Variants in MOGAT2 observed in about 807,000 individuals in gnomAD.
MOGAT2 encodes the protein monoacylglycerol O-acyltransferase 2.
MOGAT2 carries 27 observed loss-of-function variants against 31.5 expected under a neutral mutation model. That is an observed-to-expected ratio of 0.86 (90% CI 0.63 to 1.18). The LOEUF is 1.18. Among genes scored for constraint, MOGAT2 ranks in the 50% most tolerant of loss-of-function variants. MOGAT2 has a pLI of 0.00. For missense variants in MOGAT2, 436 were observed against 433.2 expected, an observed-to-expected ratio of 1.01 and a Z score of -0.06; for synonymous variants, 163 against 170.0, an observed-to-expected ratio of 0.96 and a Z score of 0.32.
intron 2 of MOGAT2, among the ~76,000 whole-genome samples, chr11:75,726,465 A>G (rs573312253): frequency 1.3e-5 from 2 of 152,304 alleles, no homozygotes; most frequent in South Asian, 2.1e-4. Context: ...GTATAAAATG[A>G]TGTAATATTT....
chr11:75,721,023 G>C (rs1047510849), intron 2 of MOGAT2, among the ~76,000 whole-genome samples: 5 of 152,134 alleles, frequency 3.3e-5, no homozygotes, highest in Non-Finnish European at 5.9e-5. Context: ...GGGGAAGGCA[G>C]TGGGGACGCA....
chr11:75,725,529 C>A (rs992851755), intron 2 of MOGAT2, among the ~76,000 whole-genome samples: 1 of 147,428 alleles, frequency 6.8e-6, no homozygotes, highest in Non-Finnish European at 1.5e-5. Context: ...GCCTGGGCAA[C>A]AGAGTGAGAC....
intron 4 of MOGAT2, 134 bp downstream of exon 4, chr11:75,728,278 A>G (rs1234821934): frequency 7.9e-6 from 9 of 1,136,120 alleles, no homozygotes; most frequent in Non-Finnish European, 1.0e-5. Flanking sequence ...AATTAAGATT[A>G]TATTTTGGTG....
chr11:75,732,119 G>A lies in MOGAT2; in HGVS notation c.*833G>A, dbSNP rs1944487518. On this transcript the variant is annotated 3_prime_UTR_variant, in exon 6 of 6. Coordinates refer to ENST00000198801, the MANE Select transcript of MOGAT2 (RefSeq NM_025098.4). ...CAGCAGGAACCAGAGGATAATTTGA[G>A]GAGGGTTTAAAAAGGAACCATTTTT... is the stretch of plus-strand genomic sequence containing the variant. 6.6e-6 allele frequency: 1 copy of A among 152,334 alleles called. No homozygotes were observed. 9.4% of individuals were successfully genotyped at this position (152,334 alleles called of 1,614,324 possible).
chr11:75,725,067 A>C (rs1030263238), intron 2 of MOGAT2, among the ~76,000 whole-genome samples: 4 of 152,218 alleles, frequency 2.6e-5, no homozygotes, highest in African/African-American at 4.8e-5. Flanking sequence ...GTCATTTTGC[A>C]CAAGTGTGAG....
Position 75,731,327 on chromosome 11 carries a change from G to T in MOGAT2, c.*41G>T. Reference sequence around the variant, plus strand: ...CCAACATTAGGGAGCCCAGCAGGAGGTGCTGTGCTGAGAAGACTTCCTGGA... The same window carrying T: ...CCAACATTAGGGAGCCCAGCAGGAGTTGCTGTGCTGAGAAGACTTCCTGGA... On this transcript the variant is annotated 3_prime_UTR_variant, in exon 6 of 6. Transcript: ENST00000198801. 3 of 1,603,276 alleles carry T rather than the reference G, an allele frequency of 1.9e-6. No individual in the cohort carries two copies. The highest frequency in any genetic ancestry group is 2.6e-6 in the Non-Finnish European group (3 of 1,174,194).
rs1403241301 is a variant in MOGAT2, at chr11:75,731,223, C to T, written c.942C>T (p.Asn314=). Residue 314 remains asparagine (N), a synonymous_variant, in exon 6 of 6, where the codon AAC becomes AAT. Coordinates refer to ENST00000198801, the MANE Select transcript of MOGAT2 (RefSeq NM_025098.4). Reference sequence around the variant, plus strand: ...AGCGTTATATCAAAGAGCTGTGCAACCTCTTCGAGGCCCACAAACTTAAGT... The same window carrying T: ...AGCGTTATATCAAAGAGCTGTGCAATCTCTTCGAGGCCCACAAACTTAAGT... ...LHQRYIKELC[N]LFEAHKLKFN... The T allele has an allele frequency of 6.2e-7, 1 of 1,614,028 alleles. No individual in the cohort carries two copies. The highest frequency in any genetic ancestry group is 2.2e-5 in the East Asian group (1 of 44,892).
intron 2 of MOGAT2, among the ~76,000 whole-genome samples, chr11:75,726,744 G>A (rs1944425106): frequency 6.7e-6 from 1 of 148,494 alleles, no homozygotes; most frequent in African/African-American, 2.5e-5. Context: ...TGTTGCCCAG[G>A]CTGGAATGCA....
chr11:75,731,287 G>A lies in MOGAT2; in HGVS notation c.*1G>A, dbSNP rs1447226318. 2 of 1,613,794 alleles carry A rather than the reference G, an allele frequency of 1.2e-6. No individual in the cohort carries two copies. Among genetic ancestry groups the A allele is most frequent in the Non-Finnish European group, 1.7e-6 (2 of 1,179,834 alleles). On this transcript the variant is annotated 3_prime_UTR_variant, in exon 6 of 6. Transcript: ENST00000198801. ...TGACCAGCACTTGGAGTTCTGCTGA[G>A]CCCAAAGGGCAGGGCCAACATTAGG...
rs181759309 is a variant in MOGAT2, at chr11:75,731,235, C to T, written c.954C>T (p.Ala318=). ...AAGAGCTGTGCAACCTCTTCGAGGC[C>T]CACAAACTTAAGTTCAACATCCCTG... The part of the protein sequence containing the change: ...YIKELCNLFE[A]HKLKFNIPAD... Residue 318 remains alanine, a synonymous_variant, in exon 6 of 6, where the codon GCC becomes GCT. Coordinates refer to ENST00000198801, the MANE Select transcript of MOGAT2 (RefSeq NM_025098.4). 4.3e-6 allele frequency: 7 copies of T among 1,614,106 alleles called. No individual in the cohort carries two copies. The East Asian group carries it at 1.6e-4, about 36-fold the overall frequency.
At chr11:75,723,273 T>G (rs760216946) in intron 2 of MOGAT2, among the ~76,000 whole-genome samples, 2 of 17,446 alleles carry the variant, frequency 1.1e-4, no homozygotes, top group South Asian at 2.2e-3. Flanking sequence ...TTGTTTTTTG[T>G]TTTTTTTTCC....
At chr11:75,718,154 G>C (rs778227907) in intron 1 of MOGAT2, among the ~76,000 whole-genome samples, 175 bp downstream of exon 1, 32 of 152,206 alleles carry the variant, frequency 2.1e-4, no homozygotes, top group Non-Finnish European at 4.0e-4. Context: ...AGGCTTCTTG[G>C]GGGTGGAGTG....
rs765127353 is a variant in MOGAT2 at position 75,727,494 on chromosome 11, T to G, written c.330T>G (p.His110Gln). ...ACTACATTGCGGGCTTCCACCCCCA[T>G]GGAGTCCTGGCAGTCGGAGCCTTTG... ...SRNYIAGFHPHGVLAVGAFAN... is the reference protein window; with the variant it reads ...SRNYIAGFHPQGVLAVGAFAN... The change falls in exon 3 of 6, where the codon CAT becomes CAG. Residue 110 changes from histidine to glutamine, a missense_variant. Coordinates refer to ENST00000198801, the MANE Select transcript of MOGAT2 (RefSeq NM_025098.4). The G allele has an allele frequency of 6.2e-7, 1 of 1,614,146 alleles. No individual in the cohort carries two copies. The highest frequency in any genetic ancestry group is 8.5e-7 in the Non-Finnish European group (1 of 1,180,006).
chr11:75,720,667 G>A (rs994507869), intron 2 of MOGAT2, among the ~76,000 whole-genome samples: 1 of 152,174 alleles, frequency 6.6e-6, no homozygotes, highest in Admixed American at 6.5e-5. Flanking sequence ...GGACAGAGGA[G>A]AGAGCCCTGA....
rs73502496 is a variant in MOGAT2 at position 75,731,661 on chromosome 11, G to A, written c.*375G>A. 14,368 of 171,210 alleles carry A rather than the reference G, an allele frequency of 0.084. 2,095 individuals carry two copies. The highest frequency in any genetic ancestry group is 0.32 in the African/African-American group (13,153 of 41,616). 10.6% of individuals were successfully genotyped at this position (171,210 alleles called of 1,614,324 possible). A position where few individuals can be genotyped will look rare whatever the true frequency, so the allele number is the denominator to read the frequency against. On this transcript the variant is annotated 3_prime_UTR_variant, in exon 6 of 6. Coordinates refer to ENST00000198801, the MANE Select transcript of MOGAT2 (RefSeq NM_025098.4). ...TCTCTTCTACTGCATTCTGTTGGTCGAAGCAAGTCACAACCCAGCAGATTC... is the reference window on the plus strand; with the variant it reads ...TCTCTTCTACTGCATTCTGTTGGTCAAAGCAAGTCACAACCCAGCAGATTC...
intron 2 of MOGAT2, among the ~76,000 whole-genome samples, chr11:75,722,048 G>A (rs1222016220): frequency 3.9e-5 from 6 of 152,228 alleles, no homozygotes; most frequent in Admixed American, 2.0e-4. Context: ...CCGTGCTCAC[G>A]AAGGGTGGTA....
Position 75,718,966 on chromosome 11 carries a change from T to TTCTC in MOGAT2, c.91+1000_91+1003dup, listed in dbSNP as rs149754751. On this transcript the variant is annotated intron_variant, in intron 1 of 5. Transcript: ENST00000198801. The stretch of plus-strand genomic sequence containing the variant: ...CACATTGCTCAGTAGCCATCTCTCT[T>TTCTC]TCTCTCTCTCTCTCTCACACACACA... Among the ~76,000 whole-genome samples, 943 of 147,158 alleles carry TTCTC rather than the reference T, an allele frequency of 6.4e-3. 4 individuals are homozygous for TTCTC. The highest frequency in any genetic ancestry group is 0.01 in the Non-Finnish European group (673 of 66,730).
In MOGAT2 at chr11:75,731,513, G is replaced by T; in HGVS notation, c.*227G>T. 1 of 478,710 alleles carries T rather than the reference G, an allele frequency of 2.1e-6. No homozygotes were observed. Among genetic ancestry groups the T allele is most frequent in the Admixed American group, 3.6e-5 (1 of 28,034 alleles). 29.7% of individuals were successfully genotyped at this position (478,710 alleles called of 1,614,324 possible). On this transcript the variant is annotated 3_prime_UTR_variant, in exon 6 of 6. Coordinates refer to ENST00000198801, the MANE Select transcript of MOGAT2 (RefSeq NM_025098.4). ...TGCTAGAGGGGCTGGGCCTCTCTTT[G>T]CACATGGACACTGGGCCCCTCTCTA...
intron 4 of MOGAT2, chr11:75,728,418 T>C (rs1944442119): frequency 1.7e-6 from 1 of 590,604 alleles, no homozygotes; most frequent in South Asian, 1.9e-5. Context: ...AGAGTGATAT[T>C]TGGGGTACAT....
Sources: gnomAD v4.1 joint callset for allele counts (sites outside exome capture counted in the v4.1 genomes callset) on GRCh38, gnomAD v4.1.1 for gene constraint, MANE v1.5 for transcripts, NCBI Gene and HGNC (gene_info 2026-07-23, HGNC 2026-07-21) for gene names.